Variants in TUSC3 observed in about 807,000 individuals in gnomAD.
The protein encoded by TUSC3 is tumor suppressor candidate 3.
A neutral mutation model predicts 44.8 loss-of-function variants in TUSC3; 45 were observed. That is an observed-to-expected ratio of 1.00 (90% CI 0.79 to 1.29). The LOEUF (loss-of-function observed/expected upper bound fraction) is 1.29, where lower values mean the gene tolerates loss of function less well. Ranked by LOEUF, TUSC3 falls within the 50% of genes most tolerant of loss-of-function variation. The probability of loss-of-function intolerance (pLI) is 0.00; values close to 1 mark genes in which losing one functional copy is unlikely to be tolerated. For missense variants in TUSC3, 519 were observed against 437.9 expected (o/e 1.19, Z -1.65); for synonymous variants, 212 against 152.9 (o/e 1.39, Z -2.85).
chr8:15,603,787 ATT>A (rs58924258), intron 1 of TUSC3, among the ~76,000 whole-genome samples: 19,532 of 148,802 alleles, frequency 0.13, 1,631 homozygotes, highest in Non-Finnish European at 0.19. Context: ...TGCTAATTCT[ATT>A]TTTTTTTTGC....
intron 6 of TUSC3, among the ~76,000 whole-genome samples, chr8:15,721,332 G>T (rs1159766272): frequency 2.0e-5 from 3 of 151,998 alleles, no homozygotes; most frequent in Admixed American, 2.0e-4. Flanking sequence ...CATCCTTAAT[G>T]CAGAATTATG....
the TUSC3 span, among the ~76,000 whole-genome samples, chr8:15,793,381 T>C: frequency 6.6e-6 from 1 of 152,244 alleles, no homozygotes; most frequent in African/African-American, 2.4e-5. Context: ...TACTCCAGCC[T>C]TGCACACAGC....
At chr8:15,849,968 G>C in the TUSC3 span, among the ~76,000 whole-genome samples, 2 of 151,966 alleles carry the variant, frequency 1.3e-5, no homozygotes, top group African/African-American at 4.8e-5. Context: ...TTCTGTCCAA[G>C]TTGTTTTCCA....
intron 6 of TUSC3, among the ~76,000 whole-genome samples, chr8:15,713,685 T>G (rs1041659788): frequency 3.3e-5 from 5 of 152,054 alleles, no homozygotes; most frequent in African/African-American, 4.8e-5. Flanking sequence ...CTTTACTCAG[T>G]GCATGTCTGT....
chr8:15,804,669 C>T, the TUSC3 span, among the ~76,000 whole-genome samples: 1 of 152,110 alleles, frequency 6.6e-6, no homozygotes, highest in Non-Finnish European at 1.5e-5. Context: ...TTATTCTGTT[C>T]CATTGGTCTA....
At chr8:15,530,816 C>G (rs1801439977) in intron 2 of TUSC3, among the ~76,000 whole-genome samples, 1 of 152,084 alleles carries the variant, frequency 6.6e-6, no homozygotes, top group African/African-American at 2.4e-5. Flanking sequence ...AGTCTTCTGA[C>G]TTTTTAAAAT....
chr8:15,510,024 A>T lies in TUSC3; in HGVS notation n.189+26541A>T, dbSNP rs77367915. On this transcript the variant is annotated intron_variant and non_coding_transcript_variant, in intron 2 of 5. Transcript: ENST00000503191. ...ATCTCTACAAAAAATAAAAAGAAAA[A>T]TAGCGAGCCATGGAGGTGCACAACT... 8.9e-3 allele frequency among the ~76,000 whole-genome samples: 1,352 copies of T among 152,184 alleles called. 21 individuals carry two copies. Among genetic ancestry groups the T allele is most frequent in the African/African-American group, 0.031 (1,304 of 41,520 alleles).
chr8:15,616,476 C>T (rs1221917427), intron 1 of TUSC3, among the ~76,000 whole-genome samples: 1 of 152,154 alleles, frequency 6.6e-6, no homozygotes, highest in Non-Finnish European at 1.5e-5. Flanking sequence ...ACTCGGGAAG[C>T]TGAGGCTGGA....
intron 1 of TUSC3, among the ~76,000 whole-genome samples, chr8:15,436,491 T>G (rs1428137207): frequency 6.6e-6 from 1 of 152,222 alleles, no homozygotes; most frequent in Non-Finnish European, 1.5e-5. Context: ...CATAACCTTG[T>G]GAGCTAGTTT....
intron 7 of TUSC3, among the ~76,000 whole-genome samples, chr8:15,731,099 A>G (rs944886284): frequency 2.0e-5 from 3 of 152,048 alleles, no homozygotes; most frequent in African/African-American, 7.2e-5. Flanking sequence ...GTATTTTCGT[A>G]CTGCTCCCCT....
In TUSC3 at chr8:15,617,120, A is replaced by ATGTGTGTGTG. The variant is rs143444660; in HGVS notation, c.139-5956_139-5947dup. 1.8e-3 allele frequency among the ~76,000 whole-genome samples: 225 copies of ATGTGTGTGTG among 123,704 alleles called. 3 individuals carry two copies. The highest frequency in any genetic ancestry group is 6.1e-3 in the African/African-American group (188 of 30,764). 81.2% of individuals were successfully genotyped at this position (123,704 alleles called of 152,430 possible). On this transcript the variant is annotated intron_variant, in intron 1 of 10. Transcript: ENST00000503731. ...ATTTGTTTCTGTATCTATCTGTAAAATGTGTGTGTGTGTATATATTTTTTT... is the reference window on the plus strand; with the variant it reads ...ATTTGTTTCTGTATCTATCTGTAAAATGTGTGTGTGTGTGTGTGTGTGTATATATTTTTTT...
chr8:15,436,124 T>C (rs1799942617), intron 1 of TUSC3, among the ~76,000 whole-genome samples: 1 of 152,188 alleles, frequency 6.6e-6, no homozygotes, highest in Admixed American at 6.6e-5. Context: ...GTTCTTCTCA[T>C]AGGGTTTCCT....
chr8:15,613,630 C>T (rs1214156490), intron 1 of TUSC3, among the ~76,000 whole-genome samples: 1 of 152,098 alleles, frequency 6.6e-6, no homozygotes, highest in Non-Finnish European at 1.5e-5. Context: ...AACTGTGAGT[C>T]CATTGAACCT....
At chr8:15,806,586 A>C in the TUSC3 span, 1 of 1,470,758 alleles carries the variant, frequency 6.8e-7, no homozygotes, top group Non-Finnish European at 9.5e-7. Context: ...ATACTATCAC[A>C]TGCAAGGATA....
At chr8:15,682,748 A>C (rs1029421128) in intron 6 of TUSC3, among the ~76,000 whole-genome samples, 1 of 149,090 alleles carries the variant, frequency 6.7e-6, no homozygotes, top group Non-Finnish European at 1.5e-5. Flanking sequence ...TCTCTGGGCC[A>C]TGTGCTTATG....
At chr8:15,796,315 C>T in the TUSC3 span, among the ~76,000 whole-genome samples, 1 of 152,142 alleles carries the variant, frequency 6.6e-6, no homozygotes, top group African/African-American at 2.4e-5. Context: ...TTTTGATTAG[C>T]AGCTGTGAAT....
chr8:15,807,643 G>C, the TUSC3 span, among the ~76,000 whole-genome samples: 1 of 152,150 alleles, frequency 6.6e-6, no homozygotes, highest in Non-Finnish European at 1.5e-5. Context: ...ATTGGATAAA[G>C]AAAATGTGGT....
At chr8:15,417,501 G>A (rs1443369876) in intron 1 of TUSC3, among the ~76,000 whole-genome samples, 2 of 152,166 alleles carry the variant, frequency 1.3e-5, no homozygotes, top group Non-Finnish European at 2.9e-5. Flanking sequence ...CATAGACTTG[G>A]ATCCTGACCT....
rs1474740696 is a variant in TUSC3, at chr8:15,562,364, C to T, written c.138+21796C>T. 8.5e-5 allele frequency among the ~76,000 whole-genome samples: 13 copies of T among 152,104 alleles called. 1 individual carries two copies. The highest frequency in any genetic ancestry group is 8.5e-4 in the Admixed American group (13 of 15,268). On this transcript the variant is annotated intron_variant, in intron 1 of 10. Transcript: ENST00000503731. ...TTTATCTTTCCATCCGTCTTATCTCCTCTCCCTTAAGATGAGTAATCCACT... is the reference window on the plus strand; with the variant it reads ...TTTATCTTTCCATCCGTCTTATCTCTTCTCCCTTAAGATGAGTAATCCACT...
Sources: gnomAD v4.1 joint callset for allele counts (sites outside exome capture counted in the v4.1 genomes callset) on GRCh38, gnomAD v4.1.1 for gene constraint, MANE v1.5 for transcripts, NCBI Gene and HGNC (gene_info 2026-07-23, HGNC 2026-07-21) for gene names.